Variants in BNIPL observed in about 807,000 individuals in gnomAD.
BNIPL encodes bcl-2/adenovirus E1B 19 kDa-interacting protein 2-like protein.
BNIPL carries 33 observed loss-of-function variants against 47.0 expected under a neutral mutation model. The observed-to-expected ratio is 0.70, with a 90% CI of 0.53 to 0.94. The LOEUF is 0.94. BNIPL is among the 40% of genes least tolerant of loss of function. The pLI, the probability that BNIPL is intolerant of heterozygous loss-of-function variation, is 0.00. For missense variants in BNIPL, 404 were observed against 445.2 expected, an observed-to-expected ratio of 0.91 and a Z score of 0.83; for synonymous variants, 145 against 162.7, an observed-to-expected ratio of 0.89 and a Z score of 0.83.
At chr1:151,039,455 T>A (rs1675745097) in intron 4 of BNIPL, among the ~76,000 whole-genome samples, 1 of 152,100 alleles carries the variant, frequency 6.6e-6, no homozygotes, top group Non-Finnish European at 1.5e-5. Flanking sequence ...AAAGGCTTCA[T>A]GAAGGAGATG....
Position 151,047,600 on chromosome 1 carries a change from G to T in BNIPL, c.*913G>T. ...TGAGACATTTAAGCTCTGCTCCAAA[G>T]AAGTGAACGACTCTTTCACCACCCC... On this transcript the variant is annotated 3_prime_UTR_variant, in exon 10 of 10. Transcript: ENST00000368931. 4 of 556,978 alleles carry T rather than the reference G, an allele frequency of 7.2e-6. No individual in the cohort carries two copies. The highest frequency in any genetic ancestry group is 1.2e-5 in the Non-Finnish European group (4 of 327,506). 34.5% of individuals were successfully genotyped at this position (556,978 alleles called of 1,614,324 possible). A position where few individuals can be genotyped will look rare whatever the true frequency, so the allele number is the denominator to read the frequency against.
intron 1 of BNIPL, 47 bp downstream of exon 1, chr1:151,036,813 T>C (rs750394629): frequency 7.7e-6 from 12 of 1,552,492 alleles, no homozygotes; most frequent in Non-Finnish European, 8.0e-6. Flanking sequence ...GAATAAACAG[T>C]CCGGAGAGAC....
intron 7 of BNIPL, among the ~76,000 whole-genome samples, 188 bp downstream of exon 7, chr1:151,043,915 A>G (rs142300592): frequency 2.6e-5 from 4 of 152,132 alleles, no homozygotes; most frequent in African/African-American, 9.6e-5. Flanking sequence ...CTGTTACCAC[A>G]TTACTGTTTA....
intron 4 of BNIPL, 31 bp from the exon 5 acceptor site, chr1:151,042,925 T>G (rs1319474679): frequency 6.8e-7 from 1 of 1,469,084 alleles, no homozygotes. Flanking sequence ...GAAATCTGCC[T>G]TGTTGATCCT....
At chr1:151,043,780 A>C in intron 7 of BNIPL, 53 bp downstream of exon 7, 1 of 1,522,176 alleles carries the variant, frequency 6.6e-7, no homozygotes, top group South Asian at 1.2e-5. Flanking sequence ...TTTTTTCCCC[A>C]TCTTTCTATT....
rs1047821087 is a variant in BNIPL at position 151,046,957 on chromosome 1, GTTT to G, written c.*275_*277del. On this transcript the variant is annotated 3_prime_UTR_variant, in exon 10 of 10. Coordinates refer to ENST00000368931, the MANE Select transcript of BNIPL (RefSeq NM_138278.4). The stretch of plus-strand genomic sequence containing the variant: ...TTGTATGGGATATGCAGAGCTCTGG[GTTT>G]TTTTGTTTTTTGTTTTTTGAGACGG... 3 of 323,922 alleles carry G rather than the reference GTTT, an allele frequency of 9.3e-6. No individual in the cohort carries two copies. The highest frequency in any genetic ancestry group is 6.5e-5 in the African/African-American group (3 of 46,336). The allele number at this position is 323,922 out of a possible 1,614,324, so 20.1% of individuals were successfully genotyped here.
At chr1:151,043,568 T>C (rs1390423754) in intron 6 of BNIPL, 28 bp from the exon 7 acceptor site, 5 of 1,601,484 alleles carry the variant, frequency 3.1e-6, no homozygotes, top group East Asian at 4.5e-5. Context: ...CCCTAACACA[T>C]ACCTTCCCTG....
chr1:151,037,706 C>T (rs1009710849), intron 2 of BNIPL, 44 bp downstream of exon 2: 21 of 1,504,520 alleles, frequency 1.4e-5, no homozygotes, highest in Middle Eastern at 1.9e-4. Context: ...GGGGTGGTCA[C>T]GAATGGACGG....
intron 4 of BNIPL, among the ~76,000 whole-genome samples, chr1:151,039,466 A>T (rs1314317021): frequency 6.6e-6 from 1 of 152,170 alleles, no homozygotes; most frequent in Non-Finnish European, 1.5e-5. Flanking sequence ...GAAGGAGATG[A>T]TTCTGAGCTA....
At chr1:151,041,024 A>T (rs6703620) in intron 4 of BNIPL, among the ~76,000 whole-genome samples, 122,405 of 151,730 alleles carry the variant, frequency 0.81, 49,404 homozygotes, top group East Asian at 0.91. Flanking sequence ...TACAAAAAAA[A>T]TTTTTTTTAA....
In BNIPL at chr1:151,036,599, C is replaced by T; in HGVS notation, c.-127C>T. ...ATGAGGTTACCTCCCTTCCACACCT[C>T]CCTCCTTGGAGGCAAGAGCTACAAC... is the stretch of plus-strand genomic sequence containing the variant. On this transcript the variant is annotated 5_prime_UTR_variant, in exon 1 of 10. Coordinates refer to ENST00000368931, the MANE Select transcript of BNIPL (RefSeq NM_138278.4). 1 of 861,528 alleles carries T rather than the reference C, an allele frequency of 1.2e-6. No individual in the cohort carries two copies. Among genetic ancestry groups the T allele is most frequent in the Non-Finnish European group, 1.9e-6 (1 of 518,158 alleles). 53.4% of individuals were successfully genotyped at this position (861,528 alleles called of 1,614,324 possible).
chr1:151,046,267 A>G (rs1265674599), intron 9 of BNIPL, 102 bp downstream of exon 9: 5 of 1,502,436 alleles, frequency 3.3e-6, no homozygotes, highest in Non-Finnish European at 2.7e-6. Context: ...GAAAAGCTAG[A>G]GGGCCCTGTT....
chr1:151,046,118 C>G lies in BNIPL; in HGVS notation c.990C>G (p.Ala330=). The G allele has an allele frequency of 6.2e-7, 1 of 1,614,008 alleles. No homozygotes were observed. The highest frequency in any genetic ancestry group is 1.1e-5 in the South Asian group (1 of 91,070). ...TTCTGGACAGCCTGGGGGAGCTGGC[C>G]CAACTCATATCCCTGGATCAAGTCC... The part of the protein sequence containing the change: ...IRFLDSLGEL[A]QLISLDQVHI... The change falls in exon 9 of 10, where the codon GCC becomes GCG. Residue 330 remains alanine (A), a synonymous_variant. Transcript: ENST00000368931.
chr1:151,038,000 C>CAAAAAAAAAAAAAAAAAA (rs58423611), intron 2 of BNIPL, among the ~76,000 whole-genome samples: 2 of 63,972 alleles, frequency 3.1e-5, no homozygotes, highest in African/African-American at 1.9e-4. Context: ...AACTCTGTCT[C>CAAAAAAAAAAAAAAAAAA]AAAAAAAAAA....
At chr1:151,046,402 A>G (rs1300002496) in intron 9 of BNIPL, among the ~76,000 whole-genome samples, 1 of 152,108 alleles carries the variant, frequency 6.6e-6, no homozygotes, top group Non-Finnish European at 1.5e-5. Context: ...CAGAGGCAAT[A>G]AGGAATAAAG....
intron 7 of BNIPL, chr1:151,045,579 ATCTTGAGAGTTTTTTT>A: frequency 2.8e-5 from 22 of 778,384 alleles, no homozygotes; most frequent in Middle Eastern, 4.3e-4. Context: ...AAAAAAAAAA[ATCTTGAGAGTTTTTTT>A]AAAAATGAGG....
chr1:151,037,430 T>C, intron 1 of BNIPL, 137 bp from the exon 2 acceptor site: 1 of 1,384,602 alleles, frequency 7.2e-7, no homozygotes, highest in Non-Finnish European at 9.4e-7. Flanking sequence ...AAGAGAAGCA[T>C]CTGTATAGGA....
At chr1:151,045,159 T>A (rs1411570296) in intron 7 of BNIPL, 1 of 197,926 alleles carries the variant, frequency 5.1e-6, no homozygotes, top group Non-Finnish European at 9.8e-6. Flanking sequence ...TCCCAGCTAC[T>A]CGGGAGGCTG....
At position 151,037,640 on chromosome 1, in the gene BNIPL, T is replaced by A. The variant is rs1675661607; in HGVS notation, c.115T>A (p.Trp39Arg). Residue 39 changes from tryptophan to arginine, a missense_variant, in exon 2 of 10, where the codon TGG becomes AGG. By Grantham distance (101) the Trp-to-Arg change is moderately radical (BLOSUM62 -3). Transcript: ENST00000368931. ...TGGGGAGTTGGAGCTGAAGGAGGAA[T>A]GGCAGGATGAAGAATTCCCTAGGTG... ...RHGELELKEE[W>R]QDEEFPRLLP... 5 of 1,602,508 alleles carry A rather than the reference T, an allele frequency of 3.1e-6. No homozygotes were observed. In the South Asian group the frequency reaches 4.5e-5, roughly 14 times the overall value.
Sources: gnomAD v4.1 joint callset for allele counts (sites outside exome capture counted in the v4.1 genomes callset) on GRCh38, gnomAD v4.1.1 for gene constraint, MANE v1.5 for transcripts, NCBI Gene and HGNC (gene_info 2026-07-23, HGNC 2026-07-21) for gene names.